The following CADPS2 variants were observed in gnomAD, a reference collection of about 807,000 sequenced individuals.
CADPS2 encodes the protein calcium-dependent secretion activator 2.
In CADPS2, 93 loss-of-function variants were observed where a neutral mutation model predicts 172.5. The ratio of observed to expected loss-of-function variants is 0.54; its 90% confidence interval spans 0.46 to 0.64. The LOEUF (loss-of-function observed/expected upper bound fraction) is 0.64. Among genes scored for constraint, CADPS2 ranks in the 30% least tolerant of loss-of-function variants. The pLI is 0.00. For synonymous variants in CADPS2, 546 were observed against 555.2 expected, an observed-to-expected ratio of 0.98 and a Z score of 0.23; for missense variants, 1,420 against 1,565.9, an observed-to-expected ratio of 0.91 and a Z score of 1.57.
chr7:122,679,553 C>T (rs867142104), intron 2 of CADPS2, among the ~76,000 whole-genome samples: 1 of 152,126 alleles, frequency 6.6e-6, no homozygotes, highest in Non-Finnish European at 1.5e-5. Flanking sequence ...GACCTTCTGC[C>T]TTGTGATCTT....
intron 1 of CADPS2, chr7:122,850,426 C>A (rs1813243941): frequency 3.6e-6 from 1 of 274,788 alleles, no homozygotes; most frequent in South Asian, 1.4e-4. Context: ...TCCCAAAGCA[C>A]TTATGGATTC....
At chr7:122,521,550 C>A (rs973466432) in intron 8 of CADPS2, among the ~76,000 whole-genome samples, 1 of 151,808 alleles carries the variant, frequency 6.6e-6, no homozygotes, top group East Asian at 1.9e-4. Flanking sequence ...GGGACCTGGG[C>A]ATTAAGAAAC....
chr7:122,508,942 A>G lies in CADPS2; in HGVS notation c.1542+4307T>C, dbSNP rs141814250. On this transcript the variant is annotated intron_variant, in intron 9 of 29. Transcript: ENST00000449022. ...ATGGTTTGATTTTTATCCTACACTG[A>G]GTATGTTCTGGGTTTGTAAATTTTA... Among the ~76,000 whole-genome samples, 258 of 152,160 alleles carry G rather than the reference A, an allele frequency of 1.7e-3. 2 individuals carry two copies. The highest frequency in any genetic ancestry group is 5.9e-3 in the African/African-American group (245 of 41,522).
At chr7:122,853,420 G>A (rs1353551277) in intron 1 of CADPS2, among the ~76,000 whole-genome samples, 1 of 152,180 alleles carries the variant, frequency 6.6e-6, no homozygotes. Flanking sequence ...GTTCGCACCA[G>A]GCAGCTCCCT....
chr7:122,712,027 TA>T (rs890683399), intron 2 of CADPS2, among the ~76,000 whole-genome samples: 34 of 151,542 alleles, frequency 2.2e-4, no homozygotes, highest in East Asian at 1.6e-3. Flanking sequence ...TTTTTAAATT[TA>T]AAAAAAAACA....
intron 7 of CADPS2, among the ~76,000 whole-genome samples, chr7:122,555,919 A>ACTAT (rs2064977192): frequency 1.3e-5 from 2 of 152,042 alleles, no homozygotes; most frequent in Admixed American, 1.3e-4. Flanking sequence ...GAAATCTTTA[A>ACTAT]GCAAGACTCC....
intron 28 of CADPS2, among the ~76,000 whole-genome samples, chr7:122,328,891 G>A (rs1016258442): frequency 6.6e-6 from 1 of 152,086 alleles, no homozygotes; most frequent in African/African-American, 2.4e-5. Context: ...ACAGGAGCAC[G>A]GAAAACAGAA....
intron 8 of CADPS2, among the ~76,000 whole-genome samples, chr7:122,541,193 G>C (rs2062880086): frequency 6.6e-6 from 1 of 150,864 alleles, no homozygotes; most frequent in Non-Finnish European, 1.5e-5. Flanking sequence ...CTGGTATTAT[G>C]AGATGATTTT....
In CADPS2 at chr7:122,471,458, T is replaced by G. The variant is rs1239309084; in HGVS notation, c.2103A>C (p.Glu701Asp). The G allele has an allele frequency of 6.2e-7, 1 of 1,613,504 alleles. No individual in the cohort carries two copies. Among genetic ancestry groups the G allele is most frequent in the Admixed American group, 1.7e-5 (1 of 59,920 alleles). The change falls in exon 14 of 30, where the codon GAA becomes GAC. Residue 701 changes from glutamate (E) to aspartate (D), a missense_variant. Glu to Asp is a conservative substitution (Grantham distance 45). Transcript: ENST00000449022. ...CAATGACAGCACCATTTTCTGAATG[T>G]TCCATCAGTTCTGCAAGGTAGCAGA... ...RHLCYLAELM[E>D]HSENGAVIDP...
intron 28 of CADPS2, among the ~76,000 whole-genome samples, chr7:122,336,504 C>G (rs2035876666): frequency 6.6e-6 from 1 of 152,128 alleles, no homozygotes; most frequent in Non-Finnish European, 1.5e-5. Flanking sequence ...GTCACAGGCT[C>G]TACATATAGA....
chr7:122,586,693 T>A (rs987609419), intron 6 of CADPS2, among the ~76,000 whole-genome samples: 1 of 151,992 alleles, frequency 6.6e-6, no homozygotes, highest in Non-Finnish European at 1.5e-5. Flanking sequence ...TTAAACTCTG[T>A]TCTAACATTT....
Position 122,886,348 on chromosome 7 carries a change from G to T in CADPS2, c.-11C>A. 1 of 1,490,706 alleles carries T rather than the reference G, an allele frequency of 6.7e-7. No homozygotes were observed. The highest frequency in any genetic ancestry group is 8.9e-7 in the Non-Finnish European group (1 of 1,129,112). 92.3% of individuals were successfully genotyped at this position (1,490,706 alleles called of 1,614,324 possible). A position where few individuals can be genotyped will look rare whatever the true frequency, so the allele number is the denominator to read the frequency against. ...AGACGGGTCCAGCATGGTGCTCGGG[G>T]ATCCCCGCCGCTCGGCCCGCGGTCC... On this transcript the variant is annotated 5_prime_UTR_variant, in exon 1 of 30. Transcript: ENST00000449022.
intron 25 of CADPS2, among the ~76,000 whole-genome samples, chr7:122,374,152 A>G (rs1402116572): frequency 6.6e-6 from 1 of 152,176 alleles, no homozygotes; most frequent in Non-Finnish European, 1.5e-5. Flanking sequence ...GATAAAAATC[A>G]CCAAGATCAT....
chr7:122,515,554 G>A (rs1163545947), intron 8 of CADPS2, among the ~76,000 whole-genome samples: 1 of 152,128 alleles, frequency 6.6e-6, no homozygotes, highest in Non-Finnish European at 1.5e-5. Flanking sequence ...GCCACAGAGA[G>A]CATCTGGAAT....
intron 2 of CADPS2, among the ~76,000 whole-genome samples, chr7:122,705,968 TAATATAATATATA>T (rs2087291689): frequency 2.0e-5 from 1 of 50,072 alleles, no homozygotes; most frequent in Non-Finnish European, 3.3e-5. Context: ...ATATATAATA[TAATATAATATATA>T]ATATTATATA....
intron 1 of CADPS2, among the ~76,000 whole-genome samples, chr7:122,825,260 T>C (rs972510975): frequency 2.6e-5 from 4 of 152,198 alleles, no homozygotes; most frequent in African/African-American, 9.6e-5. Flanking sequence ...AAATACACTT[T>C]GTAAAATAGA....
chr7:122,629,177 C>G lies in CADPS2; in HGVS notation c.867+71G>C, dbSNP rs1258575740. On this transcript the variant is annotated intron_variant, in intron 4 of 29. Transcript: ENST00000449022. ...TCTTTTTTTTTTAACCTATACAAAA[C>G]ACTTTTTCAGCTCACAGAAATCTAG... The G allele has an allele frequency of 5.8e-6, 7 of 1,215,614 alleles. No individual in the cohort carries two copies. The South Asian group carries it at 1.0e-4, about 18-fold the overall frequency. 75.3% of individuals were successfully genotyped at this position (1,215,614 alleles called of 1,614,324 possible).
chr7:122,697,684 CA>C (rs2085331080), intron 2 of CADPS2: 2 of 877,998 alleles, frequency 2.3e-6, no homozygotes, highest in East Asian at 2.6e-5. Context: ...ACTGAAGTAA[CA>C]AAAAAGGACA....
intron 3 of CADPS2, among the ~76,000 whole-genome samples, chr7:122,632,944 G>A (rs971999086): frequency 1.1e-4 from 16 of 152,164 alleles, no homozygotes; most frequent in East Asian, 3.9e-4. Flanking sequence ...ACCATTTATT[G>A]AAGAGGGAGT....
Sources: allele counts gnomAD v4.1 joint callset (sites outside exome capture counted in the v4.1 genomes callset), GRCh38; gene constraint gnomAD v4.1.1; transcripts MANE v1.5; gene names NCBI Gene and HGNC (gene_info 2026-07-23, HGNC 2026-07-21).